Variants in OSTF1 observed in about 807,000 individuals in gnomAD.
The protein encoded by OSTF1 is osteoclast-stimulating factor 1.
A neutral mutation model predicts 37.2 loss-of-function variants in OSTF1; 27 were observed. The observed-to-expected ratio is 0.73, with a 90% CI of 0.54 to 1.00. The LOEUF (loss-of-function observed/expected upper bound fraction) is 1.00, where lower values mean the gene tolerates loss of function less well. OSTF1 is among the 50% of genes least tolerant of loss of function. The pLI, the probability that OSTF1 is intolerant of heterozygous loss-of-function variation, is 0.00. For synonymous variants in OSTF1, 82 were observed against 89.2 expected (o/e 0.92, Z 0.46); for missense variants, 232 against 253.8 (o/e 0.91, Z 0.58).
At chr9:75,107,814 T>TA (rs1257427421) in intron 1 of OSTF1, among the ~76,000 whole-genome samples, 3 of 152,186 alleles carry the variant, frequency 2.0e-5, no homozygotes, top group Non-Finnish European at 4.4e-5. Flanking sequence ...ATGCCAACTT[T>TA]ATTTGGCACA....
intron 1 of OSTF1, among the ~76,000 whole-genome samples, chr9:75,112,373 T>G (rs1274633465): frequency 6.6e-6 from 1 of 152,196 alleles, no homozygotes; most frequent in African/African-American, 2.4e-5. Context: ...TTCTTTCATA[T>G]TCTGAGGCTA....
At chr9:75,113,568 C>T (rs926400602) in intron 1 of OSTF1, among the ~76,000 whole-genome samples, 5 of 152,072 alleles carry the variant, frequency 3.3e-5, no homozygotes, top group African/African-American at 1.2e-4. Flanking sequence ...CCCACCTCAG[C>T]CTCCCCAGTA....
At chr9:75,135,458 T>TATA in intron 7 of OSTF1, among the ~76,000 whole-genome samples, 1 of 55,462 alleles carries the variant, frequency 1.8e-5, no homozygotes, top group South Asian at 3.8e-4. Flanking sequence ...AAAATTATCT[T>TATA]GTATTTCTTT....
At chr9:75,140,989 CTT>C in intron 9 of OSTF1, 57 bp downstream of exon 9, 1 of 1,255,676 alleles carries the variant, frequency 8.0e-7, no homozygotes, top group Non-Finnish European at 1.2e-6. Context: ...GATTTATTAA[CTT>C]AGAATGGCGC....
intron 3 of OSTF1, among the ~76,000 whole-genome samples, chr9:75,129,419 G>A (rs1194487421): frequency 2.0e-5 from 3 of 152,122 alleles, no homozygotes; most frequent in Non-Finnish European, 2.9e-5. Flanking sequence ...AGGAATGATA[G>A]AATTAGAATG....
chr9:75,101,241 TAGGTCAGGGCGTCAGGTCAGACATTTCC>T (rs1485624098), intron 1 of OSTF1, among the ~76,000 whole-genome samples: 5 of 152,036 alleles, frequency 3.3e-5, no homozygotes, highest in Admixed American at 6.6e-5. Context: ...TCAGGTCAGG[TAGGTCAGGGCGTCAGGTCAGACATTTCC>T]AGGTCACCAG....
chr9:75,088,750 T>C (rs1333922514), intron 1 of OSTF1, 24 bp downstream of exon 1: 3 of 1,595,060 alleles, frequency 1.9e-6, no homozygotes, highest in Admixed American at 1.7e-5. Flanking sequence ...GGTAGGCGCT[T>C]GCCAGGTCCT....
At chr9:75,133,487 G>A (rs1825798774) in intron 6 of OSTF1, 86 bp downstream of exon 6, 1 of 782,774 alleles carries the variant, frequency 1.3e-6, no homozygotes, top group Non-Finnish European at 2.2e-6. Flanking sequence ...AATGAGAAAG[G>A]AAAAGCATTG....
At chr9:75,103,526 T>A (rs1314584815) in intron 1 of OSTF1, among the ~76,000 whole-genome samples, 1 of 152,214 alleles carries the variant, frequency 6.6e-6, no homozygotes, top group East Asian at 1.9e-4. Context: ...ACATAGCTGA[T>A]TGCATATATA....
chr9:75,110,903 A>G (rs1470568832), intron 1 of OSTF1, among the ~76,000 whole-genome samples: 1 of 151,888 alleles, frequency 6.6e-6, no homozygotes, highest in Non-Finnish European at 1.5e-5. Context: ...TTTTTTTTGT[A>G]GAGCTGGGGT....
In OSTF1 at chr9:75,115,645, G is replaced by T. The variant is rs10869505; in HGVS notation, c.35-1859G>T. On this transcript the variant is annotated intron_variant, in intron 1 of 9. Transcript: ENST00000346234. ...TTAAAAGAGGACCCCCCCTTTTTTT[G>T]TTTTTTTTTTGTTTTTTGTTTTTTT... Among the ~76,000 whole-genome samples, 489 of 80,970 alleles carry T rather than the reference G, an allele frequency of 6.0e-3. 4 individuals carry two copies. Among genetic ancestry groups the T allele is most frequent in the East Asian group, 0.043 (142 of 3,308 alleles). The allele number at this position is 80,970 out of a possible 152,430, so 53.1% of individuals were successfully genotyped here.
chr9:75,141,622 A>G (rs1021838854), intron 9 of OSTF1, among the ~76,000 whole-genome samples: 41 of 152,208 alleles, frequency 2.7e-4, no homozygotes, highest in African/African-American at 9.2e-4. Flanking sequence ...CTCCATGATT[A>G]TATTTTATTT....
At chr9:75,100,516 G>C (rs1825171599) in intron 1 of OSTF1, among the ~76,000 whole-genome samples, 1 of 152,102 alleles carries the variant, frequency 6.6e-6, no homozygotes, top group Non-Finnish European at 1.5e-5. Flanking sequence ...GATCACTTGA[G>C]GTCAGGAGTT....
chr9:75,120,966 C>G (rs75962191), intron 2 of OSTF1, among the ~76,000 whole-genome samples: 19,069 of 152,244 alleles, frequency 0.13, 1,610 homozygotes, highest in African/African-American at 0.23. Context: ...ACTGCCTCTC[C>G]TGCCTCTGAA....
intron 1 of OSTF1, among the ~76,000 whole-genome samples, chr9:75,111,280 A>T: frequency 6.6e-6 from 1 of 152,076 alleles, no homozygotes; most frequent in East Asian, 1.9e-4. Flanking sequence ...TGCCTCTACC[A>T]CTATGAACAG....
rs1178794993 is a variant in OSTF1 at position 75,146,676 on chromosome 9, C to T, written c.587-7C>T. On this transcript the variant is annotated splice_region_variant and splice_polypyrimidine_tract_variant and intron_variant, in intron 9 of 9. Transcript: ENST00000346234. ...TATTTTGCTTTTTTCCCTCCTCTTT[C>T]TTTCAGATGCAGTTCGAACATTAAG... is the stretch of plus-strand genomic sequence containing the variant. 1 of 1,603,308 alleles carries T rather than the reference C, an allele frequency of 6.2e-7. No individual in the cohort carries two copies. The highest frequency in any genetic ancestry group is 8.5e-7 in the Non-Finnish European group (1 of 1,173,304).
rs922588276 is a variant in OSTF1, at chr9:75,139,964, A to C, written c.488-870A>C. Among the ~76,000 whole-genome samples the C allele has an allele frequency of 5.3e-5, 8 of 152,196 alleles. No homozygotes were observed. In the South Asian group the frequency reaches 1.0e-3, roughly 20 times the overall value. On this transcript the variant is annotated intron_variant, in intron 8 of 9. Transcript: ENST00000346234. ...TTCACTGGAGTATTTGTGATAATGA[A>C]AATTAGGAGTAGCCTAAGTGCCCGT...
chr9:75,137,874 A>G (rs529735274), intron 8 of OSTF1, among the ~76,000 whole-genome samples: 2 of 152,196 alleles, frequency 1.3e-5, no homozygotes, highest in African/African-American at 4.8e-5. Context: ...ACTGTATTGT[A>G]TGTTTCTGCA....
chr9:75,133,986 A>G (rs1162439955), intron 6 of OSTF1, among the ~76,000 whole-genome samples: 3 of 152,224 alleles, frequency 2.0e-5, no homozygotes, highest in African/African-American at 7.2e-5. Context: ...GAAGATCTCA[A>G]CAAATTAAAT....
Sources: gnomAD v4.1 joint callset for allele counts (sites outside exome capture counted in the v4.1 genomes callset) on GRCh38, gnomAD v4.1.1 for gene constraint, MANE v1.5 for transcripts, NCBI Gene and HGNC (gene_info 2026-07-23, HGNC 2026-07-21) for gene names.